Variants in TLE4 observed in about 807,000 individuals in gnomAD.
TLE4 encodes the protein transducin-like enhancer protein 4.
Under a neutral mutation model 92.8 loss-of-function variants are expected in TLE4, and 8 were observed. The observed-to-expected ratio is 0.09, with a 90% CI of 0.05 to 0.16. The LOEUF (loss-of-function observed/expected upper bound fraction) is 0.16. Among genes scored for constraint, TLE4 ranks in the 10% least tolerant of loss-of-function variants. TLE4 has a pLI of 1.00. For missense variants in TLE4, 675 were observed against 997.6 expected (o/e 0.68, Z 4.36); for synonymous variants, 371 against 374.1 (o/e 0.99, Z 0.10).
At chr9:79,625,217 C>G (rs2133465406) in intron 5 of TLE4, among the ~76,000 whole-genome samples, 1 of 151,184 alleles carries the variant, frequency 6.6e-6, no homozygotes, top group Non-Finnish European at 1.5e-5. Context: ...GACGGGGTTT[C>G]GCCGTTTTAG....
chr9:79,721,954 C>A, intron 17 of TLE4, 66 bp downstream of exon 17: 1 of 1,556,242 alleles, frequency 6.4e-7, no homozygotes, highest in South Asian at 1.2e-5. Flanking sequence ...ATCACCAGGT[C>A]AGGGAATCGA....
intron 5 of TLE4, among the ~76,000 whole-genome samples, chr9:79,615,831 A>T (rs1433507355): frequency 6.6e-6 from 1 of 152,218 alleles, no homozygotes; most frequent in Non-Finnish European, 1.5e-5. Context: ...GCCAATATAT[A>T]CTTTAATAAT....
chr9:79,646,349 A>G (rs532637230), intron 6 of TLE4, among the ~76,000 whole-genome samples: 1 of 152,330 alleles, frequency 6.6e-6, no homozygotes, highest in South Asian at 2.1e-4. Context: ...ACTTTACTGT[A>G]GAGCAATCCA....
intron 6 of TLE4, among the ~76,000 whole-genome samples, chr9:79,628,168 T>C (rs2053161306): frequency 6.6e-6 from 1 of 152,088 alleles, no homozygotes; most frequent in Admixed American, 6.5e-5. Context: ...ATCACAGCTG[T>C]AAAGAGCATA....
At chr9:79,585,300 G>A (rs537944670) in intron 4 of TLE4, among the ~76,000 whole-genome samples, 18 of 152,164 alleles carry the variant, frequency 1.2e-4, no homozygotes, top group Non-Finnish European at 2.5e-4. Context: ...GACACAGAGA[G>A]CTTAAATAGC....
chr9:79,576,038 T>C, intron 3 of TLE4, 95 bp from the exon 4 acceptor site: 1 of 794,376 alleles, frequency 1.3e-6, no homozygotes, highest in Non-Finnish European at 1.8e-6. Context: ...GTGAGGCTTT[T>C]ATGTTTGTTT....
chr9:79,609,083 A>G (rs1011635489), intron 4 of TLE4, among the ~76,000 whole-genome samples: 1 of 152,108 alleles, frequency 6.6e-6, no homozygotes, highest in Non-Finnish European at 1.5e-5. Flanking sequence ...TTTTTAACCT[A>G]GTGATTGAGT....
intron 4 of TLE4, among the ~76,000 whole-genome samples, chr9:79,605,527 A>G (rs2046606390): frequency 6.6e-6 from 1 of 152,194 alleles, no homozygotes; most frequent in South Asian, 2.1e-4. Flanking sequence ...GATTTCTCTT[A>G]AAGATATACC....
chr9:79,701,656 A>T lies in TLE4; in HGVS notation c.610-3127A>T, dbSNP rs540599585. 1.8e-4 allele frequency among the ~76,000 whole-genome samples: 27 copies of T among 152,334 alleles called. No homozygotes were observed. In the East Asian group the frequency reaches 4.6e-3, roughly 26 times the overall value. On this transcript the variant is annotated intron_variant, in intron 8 of 19. Transcript: ENST00000376552. ...GAGGAAGGGGCTGAATTGCCATATT[A>T]CCGATTCCAAGGGCACCACAACACA...
At chr9:79,711,069 C>T (rs1360575843) in intron 14 of TLE4, among the ~76,000 whole-genome samples, 1 of 152,184 alleles carries the variant, frequency 6.6e-6, no homozygotes, top group African/African-American at 2.4e-5. Context: ...GTTGCCTAAC[C>T]TAGACCCTTT....
At chr9:79,615,158 C>T (rs1488526444) in intron 5 of TLE4, among the ~76,000 whole-genome samples, 1 of 152,060 alleles carries the variant, frequency 6.6e-6, no homozygotes, top group Non-Finnish European at 1.5e-5. Context: ...CTCCTTGCTT[C>T]TGCCCTGAAG....
intron 6 of TLE4, among the ~76,000 whole-genome samples, chr9:79,647,669 C>G (rs993005611): frequency 6.6e-6 from 1 of 152,068 alleles, no homozygotes; most frequent in Non-Finnish European, 1.5e-5. Context: ...TGCATACCTA[C>G]TAAGTGTGAG....
chr9:79,684,891 G>A (rs543737326), intron 8 of TLE4, among the ~76,000 whole-genome samples: 1 of 152,308 alleles, frequency 6.6e-6, no homozygotes, highest in East Asian at 1.9e-4. Flanking sequence ...AGGGAGGTGT[G>A]AAAAATTGCA....
intron 4 of TLE4, among the ~76,000 whole-genome samples, chr9:79,609,957 G>A (rs1046470378): frequency 6.6e-6 from 1 of 152,042 alleles, no homozygotes; most frequent in African/African-American, 2.4e-5. Flanking sequence ...TTCATCAGAT[G>A]CAATCAGAAT....
At chr9:79,599,710 T>A (rs2045088361) in intron 4 of TLE4, among the ~76,000 whole-genome samples, 1 of 152,242 alleles carries the variant, frequency 6.6e-6, no homozygotes, top group Non-Finnish European at 1.5e-5. Context: ...TAAGAGACAC[T>A]TTTATGTATA....
chr9:79,624,005 G>A (rs2051791595), intron 5 of TLE4, among the ~76,000 whole-genome samples: 1 of 152,050 alleles, frequency 6.6e-6, no homozygotes, highest in South Asian at 2.1e-4. Context: ...CAAGCAGGAA[G>A]TAGAAGAGGA....
chr9:79,602,029 C>T (rs1213691822), intron 4 of TLE4, among the ~76,000 whole-genome samples: 1 of 152,164 alleles, frequency 6.6e-6, no homozygotes, highest in Admixed American at 6.6e-5. Flanking sequence ...TCAAACCAGC[C>T]ATAATATTCC....
At chr9:79,590,754 A>AT (rs1188790067) in intron 4 of TLE4, among the ~76,000 whole-genome samples, 6 of 152,090 alleles carry the variant, frequency 3.9e-5, no homozygotes, top group Admixed American at 1.3e-4. Context: ...AAGATACTTG[A>AT]TTTTACATTT....
chr9:79,704,643 G>T, intron 8 of TLE4, 140 bp from the exon 9 acceptor site: 2 of 1,089,640 alleles, frequency 1.8e-6, no homozygotes, highest in Non-Finnish European at 2.5e-6. Flanking sequence ...CGTCTCCTCC[G>T]CTTTCTCCTA....
Sources: gnomAD v4.1 joint callset for allele counts (sites outside exome capture counted in the v4.1 genomes callset) on GRCh38, gnomAD v4.1.1 for gene constraint, MANE v1.5 for transcripts, NCBI Gene and HGNC (gene_info 2026-07-23, HGNC 2026-07-21) for gene names.